Variants in ZNF717 observed in about 807,000 individuals in gnomAD.
ZNF717 encodes the protein zinc finger protein 717.
In ZNF717, 9 loss-of-function variants were observed where a neutral mutation model predicts 13.8. That is an observed-to-expected ratio of 0.65 (90% CI 0.39 to 1.14). The LOEUF is 1.14. ZNF717 is among the 50% of genes most tolerant of loss of function. The pLI is 0.01. For synonymous variants in ZNF717, 327 were observed against 364.1 expected (o/e 0.90, Z 1.16); for missense variants, 1,040 against 1,080.7 (o/e 0.96, Z 0.53).
chr3:75,765,035 A>ATG (rs150835839), intron 2 of ZNF717, among the ~76,000 whole-genome samples: 5,618 of 78,494 alleles, frequency 0.072, 180 homozygotes, highest in Non-Finnish European at 0.11. Flanking sequence ...ATATATGTAT[A>ATG]TGTGTGTGTG....
At chr3:75,725,300 C>T (rs1938257733), downstream of ZNF717, among the ~76,000 whole-genome samples, 1 of 152,258 alleles carries the variant, frequency 6.6e-6, no homozygotes, top group Non-Finnish European at 1.5e-5. Context: ...AAGCACTTAA[C>T]AACAGCTTAA....
At chr3:75,726,348 C>T (rs73841576), downstream of ZNF717, among the ~76,000 whole-genome samples, 1 of 152,254 alleles carries the variant, frequency 6.6e-6, no homozygotes, top group Non-Finnish European at 1.5e-5. Flanking sequence ...TTAGGACAGG[C>T]ACAGTGGCTC....
intron 2 of ZNF717, among the ~76,000 whole-genome samples, chr3:75,777,639 G>T (rs1384770802): frequency 6.6e-6 from 1 of 151,816 alleles, no homozygotes; most frequent in Non-Finnish European, 1.5e-5. Context: ...AAAAAAATGG[G>T]AGTGATATGC....
At chr3:75,708,919 G>T (rs528162918), downstream of ZNF717, among the ~76,000 whole-genome samples, 1 of 152,116 alleles carries the variant, frequency 6.6e-6, no homozygotes, top group African/African-American at 2.4e-5. Context: ...AGAATTTGAC[G>T]TGGCAGCAGG....
Position 75,739,107 on chromosome 3 carries a change from C to T in ZNF717, c.516G>A (p.Gly172=), listed in dbSNP as rs79526626. ...CQNMLFPIKP[G]ETQSGEKPHV... ...GAGGTTTCTCTCCAGACTGTGTCTC[C>T]CCAGGCTTAATAGGGAAAAGCATGT... Residue 172 remains glycine, a synonymous_variant, in exon 5 of 5, where the codon GGG becomes GGA. Coordinates refer to ENST00000652011, the MANE Select transcript of ZNF717 (RefSeq NM_001290208.3). The T allele has an allele frequency of 9.3e-6, 14 of 1,498,362 alleles. No homozygotes were observed. The highest frequency in any genetic ancestry group is 1.2e-5 in the Non-Finnish European group (13 of 1,116,672). 92.8% of individuals were successfully genotyped at this position (1,498,362 alleles called of 1,614,324 possible).
downstream of ZNF717, chr3:75,732,244 A>T: frequency 1.6e-6 from 1 of 641,416 alleles, no homozygotes; most frequent in Non-Finnish European, 2.8e-6. Flanking sequence ...ACCAGATCCT[A>T]AATGACCTGC....
chr3:75,713,821 C>T lies in ZNF717; in HGVS notation n.668-2505G>A, dbSNP rs111523090. On this transcript the variant is annotated intron_variant and non_coding_transcript_variant, in intron 5 of 5. Coordinates refer to the ZNF717 transcript ENST00000491507. ...ACCTAGACACAGAGACAAGTAGTGG[C>T]CCCAAAGGCCAGGCTGCGCTTTTAT... Among the ~76,000 whole-genome samples the T allele has an allele frequency of 7.0e-3, 1,067 of 151,948 alleles. 18 individuals are homozygous for T. Among genetic ancestry groups the T allele is most frequent in the African/African-American group, 0.025 (1,032 of 41,442 alleles).
chr3:75,704,374 A>G (rs1294547965), intron 6 of ZNF717, among the ~76,000 whole-genome samples: 7 of 152,294 alleles, frequency 4.6e-5, no homozygotes, highest in African/African-American at 1.7e-4. Flanking sequence ...CGCCAAGACA[A>G]GACCCCCACT....
chr3:75,764,280 C>T (rs537055168), intron 2 of ZNF717, among the ~76,000 whole-genome samples: 89 of 152,254 alleles, frequency 5.8e-4, no homozygotes, highest in African/African-American at 2.0e-3. Context: ...ACAAATCCTC[C>T]ATGGTCAGTT....
At chr3:75,756,638 T>A (rs1220686717) in intron 2 of ZNF717, among the ~76,000 whole-genome samples, 1 of 152,200 alleles carries the variant, frequency 6.6e-6, no homozygotes, top group East Asian at 1.9e-4. Flanking sequence ...TTAAAAAAAA[T>A]TCCATTAAGC....
chr3:75,729,155 C>T (rs1301778711), downstream of ZNF717, among the ~76,000 whole-genome samples: 11 of 151,948 alleles, frequency 7.2e-5, no homozygotes. Context: ...GCATTTGTGT[C>T]AGGTAGGCAG....
At position 75,737,917 on chromosome 3, in the gene ZNF717, C is replaced by A. The variant is rs1575762339; in HGVS notation, c.1706G>T (p.Gly569Val). ...GAATGACTTACAGTGAAAGGATTTT[C>A]CACATTCATTACATTCATAGGGTTT... The part of the protein sequence containing the change: ...GEKPYECNEC[G>V]KSFHCKSFLT... Residue 569 changes from glycine (G) to valine (V), a missense_variant, in exon 5 of 5, where the codon GGA (glycine) becomes GTA (valine). Coordinates refer to ENST00000652011, the MANE Select transcript of ZNF717 (RefSeq NM_001290208.3). 1 of 1,549,718 alleles carries A rather than the reference C, an allele frequency of 6.5e-7. No individual in the cohort carries two copies. The highest frequency in any genetic ancestry group is 8.7e-7 in the Non-Finnish European group (1 of 1,145,474).
intron 2 of ZNF717, among the ~76,000 whole-genome samples, chr3:75,743,230 T>C (rs1004085176): frequency 3.7e-4 from 57 of 152,240 alleles, no homozygotes; most frequent in Non-Finnish European, 7.6e-4. Context: ...CATATAATAC[T>C]GAAGACAATG....
rs1255779927 is a variant in ZNF717, at chr3:75,723,457, A to G, written n.545-6916T>C. Among the ~76,000 whole-genome samples the G allele has an allele frequency of 2.6e-5, 4 of 152,238 alleles. No homozygotes were observed. The East Asian group carries it at 7.7e-4, about 29-fold the overall frequency. ...AGAGCTGTTCCAGTGTAATAAAGAA[A>G]ATATATAGAATAAGAATACTTGTAC... On this transcript the variant is annotated intron_variant and non_coding_transcript_variant, in intron 4 of 5. Transcript: ENST00000491507.
At chr3:75,700,221 A>T (rs78849703) in intron 6 of ZNF717, among the ~76,000 whole-genome samples, 1 of 152,274 alleles carries the variant, frequency 6.6e-6, no homozygotes, top group Non-Finnish European at 1.5e-5. Flanking sequence ...GTGAAACCCC[A>T]TCTCTACTAA....
chr3:75,697,875 T>C (rs1937621118), intron 6 of ZNF717, among the ~76,000 whole-genome samples: 1 of 152,312 alleles, frequency 6.6e-6, no homozygotes, highest in South Asian at 2.1e-4. Flanking sequence ...ACTGGTTGAA[T>C]GGCTGTGACC....
intron 6 of ZNF717, among the ~76,000 whole-genome samples, chr3:75,703,056 C>T (rs199558991): frequency 9.9e-5 from 15 of 152,250 alleles, no homozygotes; most frequent in East Asian, 1.9e-4. Flanking sequence ...CATTTCAAAA[C>T]GAGGGGAAAC....
rs1416253291 is a variant in ZNF717 at position 75,738,284 on chromosome 3, C to G, written c.1339G>C (p.Gly447Arg). The change falls in exon 5 of 5, where the codon GGG becomes CGG. Residue 447 changes from glycine (G) to arginine (R), a missense_variant. Coordinates refer to ENST00000652011, the MANE Select transcript of ZNF717 (RefSeq NM_001290208.3). ...TCATTACATTCATACGGTTTTTCCC[C>G]TGTGTGTGTTCTCTGATGGACAGTA... is the stretch of plus-strand genomic sequence containing the variant. ...RLTVHQRTHT[G>R]EKPYECNECG... 47 of 1,548,874 alleles carry G rather than the reference C, an allele frequency of 3.0e-5. No individual in the cohort carries two copies. Among genetic ancestry groups the G allele is most frequent in the Admixed American group, 7.7e-5 (4 of 52,170 alleles).
At chr3:75,716,144 T>A (rs1938046223) in intron 5 of ZNF717, among the ~76,000 whole-genome samples, 1 of 151,098 alleles carries the variant, frequency 6.6e-6, no homozygotes, top group Admixed American at 6.6e-5. Context: ...CTAATTTTTT[T>A]TTTTTTTTTG....
Sources: gnomAD v4.1 joint callset for allele counts (sites outside exome capture counted in the v4.1 genomes callset) on GRCh38, gnomAD v4.1.1 for gene constraint, MANE v1.5 for transcripts, NCBI Gene and HGNC (gene_info 2026-07-23, HGNC 2026-07-21) for gene names.